Variants in SCARA5 observed in about 807,000 individuals in gnomAD.
SCARA5 encodes scavenger receptor class A member 5.
Under a neutral mutation model 46.3 loss-of-function variants are expected in SCARA5, and 45 were observed. The ratio of observed to expected loss-of-function variants is 0.97; its 90% CI spans 0.76 to 1.24. The LOEUF (loss-of-function observed/expected upper bound fraction) is 1.24. SCARA5 is among the 50% of genes most tolerant of loss of function. The probability of loss-of-function intolerance (pLI) is 0.00; values close to 1 mark genes in which losing one functional copy is unlikely to be tolerated. For missense variants in SCARA5, 680 were observed against 689.0 expected (o/e 0.99, Z 0.15); for synonymous variants, 333 against 306.5 (o/e 1.09, Z -0.90).
rs557722147 is a variant in SCARA5, at chr8:27,926,355, C to T, written c.242-4110G>A. 3.5e-4 allele frequency among the ~76,000 whole-genome samples: 54 copies of T among 152,208 alleles called. 1 individual carries two copies. In the South Asian group the frequency reaches 0.011, roughly 30 times the overall value. On this transcript the variant is annotated intron_variant, in intron 3 of 8. Transcript: ENST00000354914. ...AGCAAACTATCACAAGGACAGAAAA[C>T]CAAACACTGCATGTTCTCACTCATA...
intron 3 of SCARA5, among the ~76,000 whole-genome samples, chr8:27,956,791 C>T (rs1346344210): frequency 1.3e-5 from 2 of 152,138 alleles, no homozygotes; most frequent in Non-Finnish European, 2.9e-5. Flanking sequence ...GTGCTAGGCT[C>T]GTTGTTGGCA....
chr8:27,889,468 T>C (rs75185842), intron 7 of SCARA5, among the ~76,000 whole-genome samples: 2,353 of 152,232 alleles, frequency 0.015, 56 homozygotes, highest in African/African-American at 0.054. Flanking sequence ...GTGACGTGCC[T>C]TACCCAAGTC....
At chr8:27,877,180 A>T (rs1806738429) in intron 8 of SCARA5, among the ~76,000 whole-genome samples, 1 of 152,080 alleles carries the variant, frequency 6.6e-6, no homozygotes, top group Non-Finnish European at 1.5e-5. Flanking sequence ...AGCCTCAGTT[A>T]TGCCAGCCCT....
intron 3 of SCARA5, among the ~76,000 whole-genome samples, chr8:27,964,725 G>A (rs1421319861): frequency 6.6e-6 from 1 of 151,930 alleles, no homozygotes; most frequent in Non-Finnish European, 1.5e-5. Flanking sequence ...TCACTCCACT[G>A]CAAGTCTTCT....
intron 3 of SCARA5, among the ~76,000 whole-genome samples, chr8:27,949,853 G>A (rs533583731): frequency 2.6e-4 from 40 of 152,340 alleles, no homozygotes; most frequent in African/African-American, 8.9e-4. Flanking sequence ...AGGTTGCAGT[G>A]GGGTGGGACC....
At chr8:27,935,054 G>T (rs1265000625) in intron 3 of SCARA5, among the ~76,000 whole-genome samples, 1 of 152,228 alleles carries the variant, frequency 6.6e-6, no homozygotes, top group Non-Finnish European at 1.5e-5. Flanking sequence ...TGTACTGACA[G>T]ATTGTCAGCA....
intron 6 of SCARA5, 38 bp from the exon 7 acceptor site, chr8:27,904,872 G>T: frequency 6.6e-7 from 1 of 1,513,942 alleles, no homozygotes; most frequent in Non-Finnish European, 9.0e-7. Context: ...GAAATGGAAA[G>T]AAATCCTAAT....
intron 3 of SCARA5, among the ~76,000 whole-genome samples, chr8:27,944,922 C>T (rs897830422): frequency 6.6e-6 from 1 of 151,974 alleles, no homozygotes; most frequent in Admixed American, 6.6e-5. Flanking sequence ...TCCCAGTACT[C>T]TGGGAAACTG....
At chr8:27,985,167 C>A (rs1008377316) in intron 2 of SCARA5, among the ~76,000 whole-genome samples, 6 of 152,078 alleles carry the variant, frequency 3.9e-5, no homozygotes, top group Non-Finnish European at 4.4e-5. Flanking sequence ...ACTACAGTGT[C>A]ATGAGGAAGT....
intron 7 of SCARA5, among the ~76,000 whole-genome samples, chr8:27,886,923 C>T (rs1450227835): frequency 6.6e-6 from 1 of 152,120 alleles, no homozygotes; most frequent in African/African-American, 2.4e-5. Flanking sequence ...GGAGTTTTTT[C>T]CTCAGATGCC....
intron 3 of SCARA5, among the ~76,000 whole-genome samples, chr8:27,923,875 ACTT>A (rs1319984891): frequency 6.6e-6 from 1 of 152,032 alleles, no homozygotes; most frequent in African/African-American, 2.4e-5. Context: ...ACCCGGCCCT[ACTT>A]CTTCTTCTAG....
At chr8:27,876,929 CA>C (rs1206714116) in intron 8 of SCARA5, among the ~76,000 whole-genome samples, 2 of 152,114 alleles carry the variant, frequency 1.3e-5, no homozygotes, top group African/African-American at 4.8e-5. Flanking sequence ...AGGATGCTGG[CA>C]GGGTGGCTCT....
chr8:27,924,740 A>G (rs1172629309), intron 3 of SCARA5, among the ~76,000 whole-genome samples: 1 of 152,202 alleles, frequency 6.6e-6, no homozygotes, highest in Non-Finnish European at 1.5e-5. Flanking sequence ...AGAAAACCCC[A>G]TCATCTCAGC....
At chr8:27,876,653 G>A (rs1437919054) in intron 8 of SCARA5, among the ~76,000 whole-genome samples, 2 of 152,178 alleles carry the variant, frequency 1.3e-5, no homozygotes, top group Non-Finnish European at 2.9e-5. Context: ...AAGGTCACCG[G>A]ACACTTGGGT....
intron 8 of SCARA5, among the ~76,000 whole-genome samples, chr8:27,879,128 T>C (rs928886223): frequency 6.6e-6 from 1 of 152,190 alleles, no homozygotes; most frequent in African/African-American, 2.4e-5. Context: ...GTATACTTCA[T>C]AGTGCTGTAA....
At chr8:27,957,409 T>A (rs1808223027) in intron 3 of SCARA5, among the ~76,000 whole-genome samples, 1 of 152,270 alleles carries the variant, frequency 6.6e-6, no homozygotes, top group South Asian at 2.1e-4. Context: ...ATTAATTTCA[T>A]CCTCACCACA....
intron 3 of SCARA5, among the ~76,000 whole-genome samples, chr8:27,950,797 AACAG>A (rs1808111906): frequency 6.6e-6 from 1 of 151,972 alleles, no homozygotes; most frequent in South Asian, 2.1e-4. Flanking sequence ...AGCGTATATT[AACAG>A]ACAGCACCTC....
At position 27,918,643 on chromosome 8, in the gene SCARA5, G is replaced by GGAGGAGGAAAAGGAAGAT. The variant is rs869142277; in HGVS notation, c.916+2910_916+2927dup. Among the ~76,000 whole-genome samples, 20 of 114,750 alleles carry GGAGGAGGAAAAGGAAGAT rather than the reference G, an allele frequency of 1.7e-4. No homozygotes were observed. The South Asian group carries it at 4.7e-3, about 27-fold the overall frequency. The allele number at this position is 114,750 out of a possible 152,430, so 75.3% of individuals were successfully genotyped here. A position where few individuals can be genotyped will look rare whatever the true frequency, so the allele number is the denominator to read the frequency against. On this transcript the variant is annotated intron_variant, in intron 4 of 8. Transcript: ENST00000354914. ...AGGGGGAGCAGGAGGAGGAAGATGAGGAGGAGGAAAAGGAAGATGAGGAGG... is the reference window on the plus strand; with the variant it reads ...AGGGGGAGCAGGAGGAGGAAGATGAGGAGGAGGAAAAGGAAGATGAGGAGGAAAAGGAAGATGAGGAGG...
intron 2 of SCARA5, among the ~76,000 whole-genome samples, chr8:27,969,296 C>T (rs1484391600): frequency 6.6e-6 from 1 of 152,172 alleles, no homozygotes. Context: ...AAACGTATGC[C>T]TACTTTTTTG....
Sources: allele counts gnomAD v4.1 joint callset (sites outside exome capture counted in the v4.1 genomes callset), GRCh38; gene constraint gnomAD v4.1.1; transcripts MANE v1.5; gene names NCBI Gene and HGNC (gene_info 2026-07-23, HGNC 2026-07-21).